NLGN4Y: variants seen among roughly 807,000 people sequenced by gnomAD.
The protein encoded by NLGN4Y is neuroligin 4 Y-linked, also known as neuroligin-4, Y-linked.
Under a neutral mutation model 8.4 loss-of-function variants are expected in NLGN4Y, and 4 were observed. The observed-to-expected ratio is 0.48, with a 90% CI of 0.23 to 1.09. The LOEUF is 1.09. Among genes scored for constraint, NLGN4Y ranks in the 50% least tolerant of loss-of-function variants. The pLI is 0.19. For missense variants in NLGN4Y, 90 were observed against 192.3 expected (o/e 0.47, Z 3.15); for synonymous variants, 35 against 75.6 (o/e 0.46, Z 2.78).
At chrY:14,745,252 G>A in intron 4 of NLGN4Y, among the ~76,000 whole-genome samples, 1 of 33,522 alleles carries the variant, frequency 3.0e-5, no homozygotes, top group Non-Finnish European at 7.4e-5. Context: ...ACTTATTTAC[G>A]ATTAAGACAG....
At chrY:14,664,865 C>T (rs2080687073) in intron 2 of NLGN4Y, among the ~76,000 whole-genome samples, 1 of 33,973 alleles carries the variant, frequency 2.9e-5, no homozygotes, top group Non-Finnish European at 7.3e-5. Flanking sequence ...AATGCCTATT[C>T]ATAGATACCA....
chrY:14,759,257 C>G, intron 4 of NLGN4Y, among the ~76,000 whole-genome samples: 1 of 33,445 alleles, frequency 3.0e-5, no homozygotes, highest in Non-Finnish European at 7.4e-5. Flanking sequence ...ATTTATGTTA[C>G]TGCTAGCATT....
At chrY:14,744,951 G>T (rs2081019925) in intron 4 of NLGN4Y, among the ~76,000 whole-genome samples, 1 of 33,077 alleles carries the variant, frequency 3.0e-5, no homozygotes, top group Admixed American at 2.8e-4. Context: ...TGTTAAATCG[G>T]ATTTGCATAC....
At chrY:14,562,568 C>A (rs2080234180) in intron 1 of NLGN4Y, among the ~76,000 whole-genome samples, 1 of 33,233 alleles carries the variant, frequency 3.0e-5, no homozygotes, top group African/African-American at 1.2e-4. Context: ...TTTAAAGTAC[C>A]TTTTTCCAAG....
intron 4 of NLGN4Y, among the ~76,000 whole-genome samples, chrY:14,761,629 T>C (rs2081079587): frequency 3.0e-5 from 1 of 33,789 alleles, no homozygotes; most frequent in African/African-American, 1.2e-4. Context: ...CAAATCACTT[T>C]ATGCAGTTAG....
chrY:14,792,725 G>C, intron 4 of NLGN4Y, among the ~76,000 whole-genome samples: 1 of 19,114 alleles, frequency 5.2e-5, no homozygotes, highest in East Asian at 1.4e-3. Flanking sequence ...AGGATGTCAA[G>C]GCTGCTGTGA....
chrY:14,807,466 G>A (rs2043061745), intron 4 of NLGN4Y, among the ~76,000 whole-genome samples: 1 of 31,116 alleles, frequency 3.2e-5, no homozygotes. Context: ...CTTTGATGGT[G>A]AAAACTTACT....
chrY:14,680,085 T>A, intron 2 of NLGN4Y, among the ~76,000 whole-genome samples: 4 of 33,701 alleles, frequency 1.2e-4, no homozygotes, highest in Non-Finnish European at 2.2e-4. Flanking sequence ...GTCATTTTCA[T>A]ATGGCTTTTA....
At chrY:14,560,412 C>T (rs759540903) in intron 1 of NLGN4Y, among the ~76,000 whole-genome samples, 1 of 33,452 alleles carries the variant, frequency 3.0e-5, no homozygotes, top group South Asian at 6.7e-4. Flanking sequence ...AATGATCCCT[C>T]TGAAGACAAT....
intron 4 of NLGN4Y, among the ~76,000 whole-genome samples, chrY:14,758,061 T>G: frequency 1.4e-4 from 5 of 34,643 alleles, no homozygotes; most frequent in African/African-American, 4.5e-4. Context: ...CTTAATACTT[T>G]CTTATTCCTG....
chrY:14,718,165 C>T, intron 2 of NLGN4Y, among the ~76,000 whole-genome samples: 1 of 33,990 alleles, frequency 2.9e-5, no homozygotes, highest in African/African-American at 1.1e-4. Context: ...GTCACTCCCA[C>T]GCACTCAGCC....
intron 1 of NLGN4Y, among the ~76,000 whole-genome samples, chrY:14,533,589 C>CT (rs2080121260): frequency 6.1e-5 from 2 of 32,870 alleles, no homozygotes; most frequent in East Asian, 7.9e-4. Flanking sequence ...TATGAAGATT[C>CT]TTTTTTTTGT....
intron 2 of NLGN4Y, among the ~76,000 whole-genome samples, chrY:14,702,688 T>G (rs746569139): frequency 4.8e-4 from 16 of 33,341 alleles, no homozygotes; most frequent in Admixed American, 1.4e-3. Flanking sequence ...GTAATGGGAT[T>G]GCTGGGTCAA....
intron 2 of NLGN4Y, among the ~76,000 whole-genome samples, chrY:14,658,916 C>G: frequency 3.0e-5 from 1 of 33,020 alleles, no homozygotes; most frequent in Non-Finnish European, 7.4e-5. Context: ...CTTTGTCTGG[C>G]GAGGGCCCAT....
chrY:14,744,829 A>C, intron 4 of NLGN4Y, among the ~76,000 whole-genome samples: 1 of 33,551 alleles, frequency 3.0e-5, no homozygotes, highest in African/African-American at 1.2e-4. Context: ...GCCCTTTCCC[A>C]TGGGGTAAAA....
chrY:14,759,789 G>C, intron 4 of NLGN4Y, among the ~76,000 whole-genome samples: 1 of 33,963 alleles, frequency 2.9e-5, no homozygotes, highest in African/African-American at 1.1e-4. Flanking sequence ...AAATTAACAC[G>C]AGTGTGTTTA....
chrY:14,731,433 C>G, intron 4 of NLGN4Y, among the ~76,000 whole-genome samples: 1 of 32,765 alleles, frequency 3.1e-5, no homozygotes, highest in South Asian at 6.9e-4. Flanking sequence ...ATAACTGTAC[C>G]CTTTTCTCAC....
At chrY:14,624,837 G>T in intron 2 of NLGN4Y, among the ~76,000 whole-genome samples, 1 of 33,036 alleles carries the variant, frequency 3.0e-5, no homozygotes, top group Non-Finnish European at 7.5e-5. Context: ...TGAAATGTTG[G>T]CATCACGCTG....
chrY:14,843,605 C>A lies in NLGN4Y; in HGVS notation c.*2343C>A, dbSNP rs2043235547. Reference sequence around the variant, plus strand: ...GTTCCTGTTAAATGAATAGCTTTAGCTTTTACAGGGGATTATGATTAAAAG... The same window carrying A: ...GTTCCTGTTAAATGAATAGCTTTAGATTTTACAGGGGATTATGATTAAAAG... On this transcript the variant is annotated 3_prime_UTR_variant, in exon 7 of 7. Coordinates refer to ENST00000684976, the MANE Select transcript of NLGN4Y (RefSeq NM_001365588.1). The A allele has an allele frequency of 8.3e-6, 1 of 119,822 alleles. No homozygotes were observed. Among genetic ancestry groups the A allele is most frequent in the Non-Finnish European group, 1.8e-5 (1 of 55,818 alleles). The allele number at this position is 119,822 out of a possible 400,897, so 29.9% of individuals were successfully genotyped here.
Sources: gnomAD v4.1 joint callset for allele counts (sites outside exome capture counted in the v4.1 genomes callset) on GRCh38, gnomAD v4.1.1 for gene constraint, MANE v1.5 for transcripts, NCBI Gene and HGNC (gene_info 2026-07-23, HGNC 2026-07-21) for gene names.